The following TEX15 variants were observed in gnomAD, a reference collection of about 807,000 sequenced individuals.
The protein encoded by TEX15 is testis expressed 15, meiosis and synapsis associated, also known as testis-expressed protein 15.
Under a neutral mutation model 237.3 loss-of-function variants are expected in TEX15, and 171 were observed. The observed-to-expected ratio is 0.72, with a 90% confidence interval of 0.64 to 0.82. The LOEUF is 0.82. Among genes scored for constraint, TEX15 ranks in the 40% least tolerant of loss-of-function variants. The pLI is 0.00. For synonymous variants in TEX15, 1,338 were observed against 1,269.8 expected (o/e 1.05, Z -1.14); for missense variants, 3,750 against 3,646.5 (o/e 1.03, Z -0.73).
chr8:30,870,900 T>C (rs952164985), intron 4 of TEX15, among the ~76,000 whole-genome samples: 2 of 152,066 alleles, frequency 1.3e-5, no homozygotes, highest in Non-Finnish European at 2.9e-5. Context: ...GTCTGGATTG[T>C]GTTCCTTTCT....
chr8:30,867,989 G>A (rs1179553547), intron 4 of TEX15, among the ~76,000 whole-genome samples: 1 of 151,968 alleles, frequency 6.6e-6, no homozygotes, highest in African/African-American at 2.4e-5. Flanking sequence ...GTTATGGAGG[G>A]AAAAACATGC....
Position 30,867,399 on chromosome 8 carries a change from T to C in TEX15, c.406A>G (p.Ile136Val), listed in dbSNP as rs1016990374. The change falls in exon 5 of 11, where the codon ATA becomes GTA. Residue 136 changes from isoleucine to valine, a missense_variant. Coordinates refer to ENST00000643185, the MANE Select transcript of TEX15 (RefSeq NM_001350162.2). The part of the protein sequence containing the change: ...SDVAQIYQNG[I>V]STRASTLKIL... ...TTCAATGTAGATGCTCTGGTACTTA[T>C]TCCATTCTGATATATCTGGGCTACA... The C allele has an allele frequency of 3.9e-6, 6 of 1,533,872 alleles. No individual in the cohort carries two copies. Among genetic ancestry groups the C allele is most frequent in the Non-Finnish European group, 5.2e-6 (6 of 1,145,240 alleles).
In TEX15 at chr8:30,909,171, TATCC is replaced by T. The variant is rs2128780451; in HGVS notation, c.-86+3704_-86+3707del. 1.3e-5 allele frequency among the ~76,000 whole-genome samples: 2 copies of T among 152,098 alleles called. 1 individual carries two copies. The highest frequency in any genetic ancestry group is 4.8e-5 in the African/African-American group (2 of 41,408). ...TCAAATCAGTTATTTTATTAATCAT[TATCC>T]TAAAAAATCTTCAAATTTAGTTACA... On this transcript the variant is annotated intron_variant, in intron 1 of 10. Coordinates refer to ENST00000643185, the MANE Select transcript of TEX15 (RefSeq NM_001350162.2).
At chr8:30,863,746 G>A (rs961296861) in intron 5 of TEX15, among the ~76,000 whole-genome samples, 2 of 152,094 alleles carry the variant, frequency 1.3e-5, no homozygotes, top group Admixed American at 1.3e-4. Flanking sequence ...AGGGAAAAGT[G>A]CAGGCTCAGA....
Position 30,836,988 on chromosome 8 carries a change from T to C in TEX15, c.9296A>G (p.Tyr3099Cys), listed in dbSNP as rs750272779. The stretch of plus-strand genomic sequence containing the variant: ...ATTTGCTTGTGGCTCCCCCGCAAAA[T>C]AAGTAAAATATTGAGAGTACAGAAG... ...SNLLYSQYFT[Y>C]FAGEPQANGF... The change falls in exon 10 of 11, where the codon TAT becomes TGT. Residue 3099 changes from tyrosine (Y) to cysteine (C), a missense_variant. Physicochemically the swap from Tyr to Cys is radical, Grantham distance 194. Transcript: ENST00000643185. 6.2e-7 allele frequency: 1 copy of C among 1,614,092 alleles called. No individual in the cohort carries two copies. The highest frequency in any genetic ancestry group is 1.1e-5 in the South Asian group (1 of 91,064).
At chr8:30,867,235 T>C (rs1808192472) in intron 5 of TEX15, 30 bp downstream of exon 5, 1 of 1,090,124 alleles carries the variant, frequency 9.2e-7, no homozygotes, top group Non-Finnish European at 1.3e-6. Context: ...AAACTGTCCA[T>C]ATACTTAATA....
intron 2 of TEX15, among the ~76,000 whole-genome samples, chr8:30,889,639 G>A (rs887567483): frequency 1.3e-4 from 19 of 151,786 alleles, no homozygotes; most frequent in African/African-American, 4.6e-4. Context: ...AGGACACAAT[G>A]GTATTCAATA....
chr8:30,873,365 A>C (rs1484246978), intron 4 of TEX15, among the ~76,000 whole-genome samples: 1 of 152,096 alleles, frequency 6.6e-6, no homozygotes, highest in African/African-American at 2.4e-5. Context: ...TTTTTATTGA[A>C]TCTGAATTTT....
intron 1 of TEX15, among the ~76,000 whole-genome samples, chr8:30,904,893 T>C (rs1221083886): frequency 6.6e-6 from 1 of 152,202 alleles, no homozygotes; most frequent in Non-Finnish European, 1.5e-5. Flanking sequence ...ACAAGTTATC[T>C]AATACTGTAA....
At position 30,898,737 on chromosome 8, in the gene TEX15, C is replaced by T. The variant is rs1280219506; in HGVS notation, c.-10+5G>A. On this transcript the variant is annotated splice_donor_5th_base_variant and intron_variant, in intron 2 of 10. Coordinates refer to ENST00000643185, the MANE Select transcript of TEX15 (RefSeq NM_001350162.2). The stretch of plus-strand genomic sequence containing the variant: ...AGTAACAAAGCCATTATTTGAAATA[C>T]TTACCACTCTTCAATGGCATCCAGC... The T allele has an allele frequency of 6.6e-6, 1 of 152,166 alleles. No homozygotes were observed. The highest frequency in any genetic ancestry group is 2.4e-5 in the African/African-American group (1 of 41,434). The allele number at this position is 152,166 out of a possible 1,614,324, so 9.4% of individuals were successfully genotyped here.
chr8:30,908,100 T>G (rs915388637), intron 1 of TEX15, among the ~76,000 whole-genome samples: 1 of 151,946 alleles, frequency 6.6e-6, no homozygotes, highest in African/African-American at 2.4e-5. Context: ...ATACTTAAAT[T>G]TTTTGTAGAG....
Position 30,865,946 on chromosome 8 carries a change from A to G in TEX15, c.540+1319T>C, listed in dbSNP as rs542259497. Among the ~76,000 whole-genome samples, 4 of 152,298 alleles carry G rather than the reference A, an allele frequency of 2.6e-5. No homozygotes were observed. The South Asian group carries it at 6.2e-4, about 24-fold the overall frequency. ...AGTTCTAGAAGTACTAGCCAGAGCA[A>G]TCAGGCAAGTGAAAGAAATGAAGTG... On this transcript the variant is annotated intron_variant, in intron 5 of 10. Coordinates refer to ENST00000643185, the MANE Select transcript of TEX15 (RefSeq NM_001350162.2).
chr8:30,897,064 A>G (rs554661095), intron 2 of TEX15, among the ~76,000 whole-genome samples: 23 of 152,214 alleles, frequency 1.5e-4, no homozygotes, highest in Non-Finnish European at 2.8e-4. Context: ...CTTCCCTTCC[A>G]AATTGTCTTT....
chr8:30,911,038 T>C (rs888780496), intron 1 of TEX15, among the ~76,000 whole-genome samples: 1 of 152,226 alleles, frequency 6.6e-6, no homozygotes, highest in Non-Finnish European at 1.5e-5. Context: ...TGGATGAACC[T>C]TAAAATCTTT....
chr8:30,904,928 AAT>A (rs1809069844), intron 1 of TEX15, among the ~76,000 whole-genome samples: 1 of 152,186 alleles, frequency 6.6e-6, no homozygotes, highest in Non-Finnish European at 1.5e-5. Flanking sequence ...GAAAAACACT[AAT>A]ACACAATTAT....
At chr8:30,857,653 C>T (rs323357) in intron 7 of TEX15, among the ~76,000 whole-genome samples, 3,308 of 152,162 alleles carry the variant, frequency 0.022, 114 homozygotes, top group African/African-American at 0.075. Flanking sequence ...GGCCAATACA[C>T]CTATCAAAAA....
intron 4 of TEX15, among the ~76,000 whole-genome samples, chr8:30,873,070 G>A (rs183175421): frequency 2.0e-4 from 31 of 152,146 alleles, no homozygotes; most frequent in African/African-American, 6.0e-4. Flanking sequence ...ACACAATGAC[G>A]AAATTGCCCA....
At chr8:30,873,710 T>C (rs1485915803) in intron 4 of TEX15, among the ~76,000 whole-genome samples, 1 of 152,174 alleles carries the variant, frequency 6.6e-6, no homozygotes, top group African/African-American at 2.4e-5. Flanking sequence ...AGACTCAGTT[T>C]TGCACTTTGA....
intron 1 of TEX15, among the ~76,000 whole-genome samples, chr8:30,906,221 T>G (rs898769936): frequency 7.2e-5 from 11 of 152,172 alleles, no homozygotes; most frequent in African/African-American, 2.7e-4. Flanking sequence ...CATCTAACAT[T>G]CCTCCATTCT....
Sources: gnomAD v4.1 joint callset for allele counts (sites outside exome capture counted in the v4.1 genomes callset) on GRCh38, gnomAD v4.1.1 for gene constraint, MANE v1.5 for transcripts, NCBI Gene and HGNC (gene_info 2026-07-23, HGNC 2026-07-21) for gene names.